The following MAP1B variants were observed in gnomAD, a reference collection of about 807,000 sequenced individuals.
The protein encoded by MAP1B is microtubule-associated protein 1B.
In MAP1B, 12 loss-of-function variants were observed where a neutral mutation model predicts 176.1. That is an observed-to-expected ratio of 0.07 (90% CI 0.04 to 0.11). The LOEUF (loss-of-function observed/expected upper bound fraction) is 0.11, where lower values mean the gene tolerates loss of function less well. Ranked by LOEUF, MAP1B falls within the 10% of genes least tolerant of loss-of-function variation. The pLI is 1.00. For missense variants in MAP1B, 2,523 were observed against 2,990.5 expected (o/e 0.84, Z 3.65); for synonymous variants, 1,044 against 1,135.0 (o/e 0.92, Z 1.61).
intron 1 of MAP1B, among the ~76,000 whole-genome samples, chr5:72,108,694 C>A (rs2112105908): frequency 6.6e-6 from 1 of 152,228 alleles, no homozygotes; most frequent in Non-Finnish European, 1.5e-5. Flanking sequence ...CCCCCCCACA[C>A]TGCGGCGCCC....
intron 2 of MAP1B, among the ~76,000 whole-genome samples, chr5:72,119,885 T>A (rs1745496007): frequency 6.6e-6 from 1 of 152,234 alleles, no homozygotes; most frequent in South Asian, 2.1e-4. Context: ...TTATATCATA[T>A]GTTTTTTGTA....
In MAP1B at chr5:72,187,000, C is replaced by G. The variant is rs1175961347; in HGVS notation, c.510+246C>G. On this transcript the variant is annotated intron_variant, in intron 4 of 6. Coordinates refer to ENST00000296755, the MANE Select transcript of MAP1B (RefSeq NM_005909.5). The surrounding 1 kb of genome is among the most constrained non-coding windows in gnomAD (Gnocchi z 4.3). ...GAGATATAGATGGGAGGGGTTGGAA[C>G]AGTCAACACTTTACAGATGGTAAAA... Among the ~76,000 whole-genome samples, 3 of 152,200 alleles carry G rather than the reference C, an allele frequency of 2.0e-5. No homozygotes were observed. Among genetic ancestry groups the G allele is most frequent in the African/African-American group, 4.8e-5 (2 of 41,444 alleles).
rs35175622 is a variant in MAP1B, at chr5:72,122,641, C to CTT, written c.286+6858_286+6859dup. Among the ~76,000 whole-genome samples the CTT allele has an allele frequency of 3.1e-3, 431 of 138,634 alleles. 3 individuals carry two copies. Among genetic ancestry groups the CTT allele is most frequent in the African/African-American group, 0.011 (401 of 37,720 alleles). The allele number at this position is 138,634 out of a possible 152,430, so 90.9% of individuals were successfully genotyped here. On this transcript the variant is annotated intron_variant, in intron 2 of 6. Coordinates refer to ENST00000296755, the MANE Select transcript of MAP1B (RefSeq NM_005909.5). ...ACCCTAGAAATACCTATTCATCTCACTTTTTTTTTTTTTTTTTAAGAGTGG... is the reference window on the plus strand; with the variant it reads ...ACCCTAGAAATACCTATTCATCTCACTTTTTTTTTTTTTTTTTTTAAGAGTGG...
In MAP1B at chr5:72,161,893, G is replaced by T. The variant is rs1489585095; in HGVS notation, c.287-21850G>T. On this transcript the variant is annotated intron_variant, in intron 2 of 6. Transcript: ENST00000296755. ...AATTGCTTGAACCCGGGAGGCGGAG[G>T]TTGCAGTGAGCCGAGATCGCGCCAC... 2.7e-5 allele frequency among the ~76,000 whole-genome samples: 4 copies of T among 147,708 alleles called. No individual in the cohort carries two copies. The East Asian group carries it at 7.9e-4, about 29-fold the overall frequency.
rs1200391088 is a variant in MAP1B, at chr5:72,179,853, C to T, written c.287-3890C>T. On this transcript the variant is annotated intron_variant, in intron 2 of 6. Coordinates refer to ENST00000296755, the MANE Select transcript of MAP1B (RefSeq NM_005909.5). Reference sequence around the variant, plus strand: ...TCCAAAGATGGACAAAAGAGAACATCGTTAGTTGAATTCCTGGGCAAACTG... The same window carrying T: ...TCCAAAGATGGACAAAAGAGAACATTGTTAGTTGAATTCCTGGGCAAACTG... The T allele has an allele frequency of 1.4e-5, 14 of 985,372 alleles. No homozygotes were observed. The South Asian group carries it at 4.2e-4, about 30-fold the overall frequency. 61.0% of individuals were successfully genotyped at this position (985,372 alleles called of 1,614,324 possible).
In MAP1B at chr5:72,197,164, C is replaced by A; in HGVS notation, c.3809C>A (p.Thr1270Asn). 1 of 1,614,070 alleles carries A rather than the reference C, an allele frequency of 6.2e-7. No homozygotes were observed. Among genetic ancestry groups the A allele is most frequent in the South Asian group, 1.1e-5 (1 of 91,082 alleles). ...SPSPPSPLEKTPLGERSVNFS... is the reference protein window; with the variant it reads ...SPSPPSPLEKNPLGERSVNFS... Reference sequence around the variant, plus strand: ...TCTCCACCATCACCCTTAGAAAAGACCCCCCTGGGTGAACGTAGTGTGAAC... The same window carrying A: ...TCTCCACCATCACCCTTAGAAAAGAACCCCCTGGGTGAACGTAGTGTGAAC... The change falls in exon 5 of 7, where the codon ACC (threonine) becomes AAC (asparagine). Residue 1270 changes from threonine to asparagine, a missense_variant. Thr to Asn is a moderately conservative substitution (Grantham distance 65). Transcript: ENST00000296755.
At chr5:72,158,169 C>A (rs146245525) in intron 2 of MAP1B, among the ~76,000 whole-genome samples, 1 of 151,684 alleles carries the variant, frequency 6.6e-6, no homozygotes, top group Admixed American at 6.6e-5. Flanking sequence ...CCACCTCGCC[C>A]GGCTAATTTT....
rs371339781 is a variant in MAP1B, at chr5:72,107,559, G to A, written c.28G>A (p.Glu10Lys). 2.5e-6 allele frequency: 4 copies of A among 1,579,156 alleles called. No homozygotes were observed. The highest frequency in any genetic ancestry group is 2.7e-5 in the African/African-American group (2 of 74,332). The change falls in exon 1 of 7, where the codon GAG (glutamate) becomes AAG (lysine). Residue 10 changes from glutamate to lysine, a missense_variant. This residue lies in a region of MAP1B where 307 missense variants were observed against 438.4 expected (regional missense o/e 0.70). Coordinates refer to ENST00000296755, the MANE Select transcript of MAP1B (RefSeq NM_005909.5). ...GGCGACCGTGGTGGTGGAAGCCACC[G>A]AGCCGGAGCCGTCCGGCAGCATCGC... Reference protein sequence around the residue: MATVVVEATEPEPSGSIANP... With the variant: MATVVVEATKPEPSGSIANP...
At chr5:72,127,514 G>T (rs568524507) in intron 2 of MAP1B, among the ~76,000 whole-genome samples, 1 of 151,888 alleles carries the variant, frequency 6.6e-6, no homozygotes, top group South Asian at 2.1e-4. Context: ...AAACCTAGGC[G>T]TCTGATGGGT....
chr5:72,166,512 A>G (rs1170548242), intron 2 of MAP1B, among the ~76,000 whole-genome samples: 2 of 152,102 alleles, frequency 1.3e-5, no homozygotes, highest in Admixed American at 6.5e-5. Flanking sequence ...CACTCCCTAG[A>G]GAGGTCGAGA....
chr5:72,184,716 G>A (rs1176323520), intron 3 of MAP1B, among the ~76,000 whole-genome samples: 2 of 152,044 alleles, frequency 1.3e-5, no homozygotes, highest in South Asian at 2.1e-4. Context: ...GTTGCTTCTC[G>A]GACATGAAAG....
At position 72,154,511 on chromosome 5, in the gene MAP1B, A is replaced by G. The variant is rs532126050; in HGVS notation, c.287-29232A>G. 2.6e-5 allele frequency among the ~76,000 whole-genome samples: 4 copies of G among 152,306 alleles called. 1 individual carries two copies. The highest frequency in any genetic ancestry group is 9.6e-5 in the African/African-American group (4 of 41,562). The stretch of plus-strand genomic sequence containing the variant: ...CCATGGGCAGGTGAGAGCCAGAACA[A>G]AGTGTTGGAGCACTGAGGTTTATCA... On this transcript the variant is annotated intron_variant, in intron 2 of 6. Transcript: ENST00000296755.
In MAP1B at chr5:72,194,488, T is replaced by C. The variant is rs568808169; in HGVS notation, c.1133T>C (p.Ile378Thr). 6.6e-5 allele frequency: 106 copies of C among 1,614,036 alleles called. No individual in the cohort carries two copies. In the South Asian group the frequency reaches 1.1e-3, roughly 17 times the overall value. The change falls in exon 5 of 7, where the codon ATA becomes ACA. Residue 378 changes from isoleucine (I) to threonine (T), a missense_variant. Physicochemically the swap from Ile to Thr is moderately conservative, Grantham distance 89. This residue lies in a region of MAP1B where 1,925 missense variants were observed against 2,126.0 expected (regional missense o/e 0.91). Transcript: ENST00000296755. This position sits in a 1 kb window ranked among gnomAD's most constrained non-coding sequence, Gnocchi z 7.2. The stretch of plus-strand genomic sequence containing the variant: ...CCAAACATCAAGATGAAGAGAAGCA[T>C]AGAAGAAGCCTGCTTCACTCTCCAG... ...PEPNIKMKRSIEEACFTLQYL... is the reference protein window; with the variant it reads ...PEPNIKMKRSTEEACFTLQYL...
In MAP1B at chr5:72,195,982, A is replaced by G. The variant is rs1747154646; in HGVS notation, c.2627A>G (p.Tyr876Cys). The change falls in exon 5 of 7, where the codon TAC becomes TGC. Residue 876 changes from tyrosine (Y) to cysteine (C), a missense_variant. This residue lies in a region of MAP1B where 1,925 missense variants were observed against 2,126.0 expected (regional missense o/e 0.91). Coordinates refer to ENST00000296755, the MANE Select transcript of MAP1B (RefSeq NM_005909.5). The stretch of plus-strand genomic sequence containing the variant: ...AAGGAAACTGAGCCAGTCGAAGCCT[A>G]CGTCATCCAGAAGGAGAGAGAAGTC... ...KLKETEPVEA[Y>C]VIQKEREVTK... 1 of 1,614,248 alleles carries G rather than the reference A, an allele frequency of 6.2e-7. No individual in the cohort carries two copies.
chr5:72,141,393 C>T (rs1018403118), intron 2 of MAP1B, among the ~76,000 whole-genome samples: 4 of 152,200 alleles, frequency 2.6e-5, no homozygotes, highest in African/African-American at 9.7e-5. Context: ...GCCTTTGATG[C>T]ACGTTAGAAA....
At chr5:72,114,371 C>T (rs1745396904) in intron 1 of MAP1B, among the ~76,000 whole-genome samples, 1 of 152,158 alleles carries the variant, frequency 6.6e-6, no homozygotes, top group Admixed American at 6.5e-5. Context: ...AGTCTGTATA[C>T]ATGACTAATG....
At chr5:72,192,130 A>G (rs1043627425) in intron 4 of MAP1B, among the ~76,000 whole-genome samples, 3 of 152,264 alleles carry the variant, frequency 2.0e-5, no homozygotes, top group African/African-American at 7.2e-5. Flanking sequence ...CCCCTAAAAC[A>G]TATTATAAAA....
At chr5:72,178,725 GGT>G (rs34082751) in intron 2 of MAP1B, among the ~76,000 whole-genome samples, 37,330 of 140,054 alleles carry the variant, frequency 0.27, 4,845 homozygotes, top group Admixed American at 0.36. Flanking sequence ...GCCTCTGAGG[GGT>G]GTGTGTGTGT....
intron 2 of MAP1B, among the ~76,000 whole-genome samples, chr5:72,153,263 A>C (rs1208536675): frequency 6.6e-6 from 1 of 152,114 alleles, no homozygotes; most frequent in African/African-American, 2.4e-5. Context: ...CCATGGGCAG[A>C]GATCTCACAT....
Sources: allele counts gnomAD v4.1 joint callset (sites outside exome capture counted in the v4.1 genomes callset), GRCh38; gene constraint gnomAD v4.1.1; regional missense constraint gnomAD v4.1.1; non-coding constraint Gnocchi (gnomAD v3.1); transcripts MANE v1.5; gene names NCBI Gene and HGNC (gene_info 2026-07-23, HGNC 2026-07-21).